The following XKR9 variants were observed in gnomAD, a reference collection of about 807,000 sequenced individuals.
The protein encoded by XKR9 is XK related 9.
A neutral mutation model predicts 32.0 loss-of-function variants in XKR9; 32 were observed. The observed-to-expected ratio is 1.00, with a 90% confidence interval of 0.76 to 1.34. The LOEUF (loss-of-function observed/expected upper bound fraction) is 1.34, where lower values mean the gene tolerates loss of function less well. Ranked by LOEUF, XKR9 falls within the 40% of genes most tolerant of loss-of-function variation. XKR9 has a pLI of 0.00. For missense variants in XKR9, 546 were observed against 429.7 expected, an observed-to-expected ratio of 1.27 and a Z score of -2.39; for synonymous variants, 168 against 143.4, an observed-to-expected ratio of 1.17 and a Z score of -1.22.
chr8:70,923,760 T>C, the XKR9 span, among the ~76,000 whole-genome samples: 49 of 152,188 alleles, frequency 3.2e-4, 2 homozygotes, highest in South Asian at 9.5e-3. Flanking sequence ...TTAGTTTGGG[T>C]TTTGTGGGAT....
At chr8:70,701,685 G>T (rs1414816755) in intron 3 of XKR9, among the ~76,000 whole-genome samples, 1 of 152,174 alleles carries the variant, frequency 6.6e-6, no homozygotes, top group Non-Finnish European at 1.5e-5. Context: ...CTGAATTGTG[G>T]ATTTGTTTCC....
At chr8:70,957,591 T>C in the XKR9 span, among the ~76,000 whole-genome samples, 1 of 152,110 alleles carries the variant, frequency 6.6e-6, no homozygotes, top group Non-Finnish European at 1.5e-5. Flanking sequence ...TGTGTCCATG[T>C]GTTCTCATCA....
intron 2 of XKR9, among the ~76,000 whole-genome samples, chr8:70,753,582 T>A (rs950472437): frequency 6.6e-6 from 1 of 151,958 alleles, no homozygotes; most frequent in Non-Finnish European, 1.5e-5. Context: ...CAAGTGGGCT[T>A]CATCCCTGGG....
At chr8:70,909,847 T>A in the XKR9 span, among the ~76,000 whole-genome samples, 1 of 151,316 alleles carries the variant, frequency 6.6e-6, no homozygotes, top group South Asian at 2.1e-4. Flanking sequence ...TAGCTGGGAC[T>A]ACAGGTATGT....
the XKR9 span, among the ~76,000 whole-genome samples, chr8:70,996,051 A>T: frequency 6.6e-6 from 1 of 152,228 alleles, no homozygotes; most frequent in Non-Finnish European, 1.5e-5. Context: ...GGAAAAAAAC[A>T]AAATACTTTT....
intron 3 of XKR9, among the ~76,000 whole-genome samples, chr8:70,696,130 G>A (rs920948268): frequency 5.9e-5 from 9 of 151,520 alleles, no homozygotes; most frequent in African/African-American, 2.2e-4. Context: ...CATTTTGTAG[G>A]TTGCCTGTTC....
At chr8:71,003,335 C>T in the XKR9 span, among the ~76,000 whole-genome samples, 1 of 152,168 alleles carries the variant, frequency 6.6e-6, no homozygotes, top group African/African-American at 2.4e-5. Flanking sequence ...ACGAGCAATT[C>T]TTCAACAATT....
At chr8:70,901,867 T>G in the XKR9 span, among the ~76,000 whole-genome samples, 71 of 152,330 alleles carry the variant, frequency 4.7e-4, no homozygotes, top group African/African-American at 1.6e-3. Flanking sequence ...AGTTTCAGCT[T>G]TCTACATAAG....
chr8:70,948,466 A>G, the XKR9 span, among the ~76,000 whole-genome samples: 2 of 152,072 alleles, frequency 1.3e-5, no homozygotes. Flanking sequence ...GAATCAATAG[A>G]CCCACTGTTG....
the XKR9 span, among the ~76,000 whole-genome samples, chr8:70,966,904 G>C: frequency 2.0e-5 from 3 of 151,810 alleles, no homozygotes; most frequent in East Asian, 3.9e-4. Context: ...GATCTTTGTT[G>C]GTTTAAAGTC....
At chr8:70,987,629 T>C in the XKR9 span, among the ~76,000 whole-genome samples, 9 of 152,116 alleles carry the variant, frequency 5.9e-5, no homozygotes, top group Admixed American at 5.9e-4. Context: ...TGGTGTTGAG[T>C]GTCTGTGGCT....
the XKR9 span, among the ~76,000 whole-genome samples, chr8:71,028,461 G>GT: frequency 6.6e-6 from 1 of 152,096 alleles, no homozygotes; most frequent in African/African-American, 2.4e-5. Flanking sequence ...TATAATTATG[G>GT]TTAGTCACCA....
intron 4 of XKR9, among the ~76,000 whole-genome samples, chr8:70,730,638 A>G (rs1487739535): frequency 1.3e-5 from 2 of 152,190 alleles, no homozygotes; most frequent in African/African-American, 4.8e-5. Flanking sequence ...GGAAAATTCA[A>G]GACAGGAACT....
downstream of XKR9, among the ~76,000 whole-genome samples, chr8:70,740,778 G>A (rs1806958248): frequency 6.6e-6 from 1 of 152,238 alleles, no homozygotes; most frequent in South Asian, 2.1e-4. Flanking sequence ...CTGCAGAACA[G>A]TGGATTTTCG....
the XKR9 span, among the ~76,000 whole-genome samples, chr8:70,989,162 A>G: frequency 3.7e-4 from 56 of 152,222 alleles, no homozygotes; most frequent in Non-Finnish European, 7.2e-4. Context: ...GACATTATCT[A>G]CTAGGCAGGA....
the XKR9 span, among the ~76,000 whole-genome samples, chr8:70,872,399 G>T: frequency 6.6e-6 from 1 of 152,166 alleles, no homozygotes; most frequent in Non-Finnish European, 1.5e-5. Context: ...TAAAGATTAA[G>T]GAAAGAAGCC....
chr8:70,778,080 G>A (rs971940504), intron 2 of XKR9, among the ~76,000 whole-genome samples: 5 of 152,222 alleles, frequency 3.3e-5, no homozygotes, highest in South Asian at 2.1e-4. Context: ...GGTTTTTATG[G>A]TTTTAGGTCT....
the XKR9 span, among the ~76,000 whole-genome samples, chr8:70,986,104 G>C: frequency 1.3e-5 from 2 of 152,132 alleles, no homozygotes; most frequent in East Asian, 3.9e-4. Flanking sequence ...TCATCGAAAA[G>C]TGAACATGTG....
chr8:70,702,967 G>C (rs1805591101), intron 3 of XKR9, among the ~76,000 whole-genome samples: 1 of 152,076 alleles, frequency 6.6e-6, no homozygotes, highest in Admixed American at 6.5e-5. Flanking sequence ...CACTCTCATT[G>C]TTTCCCTGTG....
Sources: gnomAD v4.1 joint callset for allele counts (sites outside exome capture counted in the v4.1 genomes callset) on GRCh38, gnomAD v4.1.1 for gene constraint, MANE v1.5 for transcripts, NCBI Gene and HGNC (gene_info 2026-07-23, HGNC 2026-07-21) for gene names.